The following ARHGAP9 variants were observed in gnomAD, a reference collection of about 807,000 sequenced individuals.
The protein encoded by ARHGAP9 is rho GTPase-activating protein 9.
ARHGAP9 carries 76 observed loss-of-function variants against 87.3 expected under a neutral mutation model. The ratio of observed to expected loss-of-function variants is 0.87; its 90% CI spans 0.72 to 1.05. ARHGAP9 has a LOEUF of 1.05. ARHGAP9 is among the 50% of genes least tolerant of loss of function. The probability of loss-of-function intolerance (pLI) is 0.00; values close to 1 mark genes in which losing one functional copy is unlikely to be tolerated. For synonymous variants in ARHGAP9, 382 were observed against 394.9 expected (o/e 0.97, Z 0.39); for missense variants, 941 against 960.5 (o/e 0.98, Z 0.27).
At chr12:57,478,353 A>C (rs569860416) in intron 3 of ARHGAP9, 187 bp downstream of exon 3, 1 of 637,766 alleles carries the variant, frequency 1.6e-6, no homozygotes, top group South Asian at 2.0e-5. Flanking sequence ...GACCTCACAG[A>C]TGTCTCCCCG....
intron 2 of ARHGAP9, 44 bp downstream of exon 2, chr12:57,479,029 AGGGAGGTAGGAAGGTGAT>A (rs1369950145): frequency 3.9e-6 from 6 of 1,558,014 alleles, no homozygotes; most frequent in East Asian, 4.5e-5. Context: ...CCCAGAAGCC[AGGGAGGTAGGAAGGTGAT>A]GGGAGGTAGG....
intron 1 of ARHGAP9, among the ~76,000 whole-genome samples, chr12:57,486,754 G>A (rs11172231): frequency 6.7e-6 from 1 of 148,884 alleles, no homozygotes; most frequent in East Asian, 2.1e-4. Flanking sequence ...GCGTGGTGGC[G>A]GGCACCTGTA....
chr12:57,480,932 T>C, upstream of ARHGAP9: 1 of 1,186,472 alleles, frequency 8.4e-7, no homozygotes, highest in Non-Finnish European at 1.2e-6. Flanking sequence ...GGGTGGCTAG[T>C]ACTGGGCTTC....
At chr12:57,488,125 G>T (rs1875583014) in intron 1 of ARHGAP9, 1 of 1,614,188 alleles carries the variant, frequency 6.2e-7, no homozygotes, top group Non-Finnish European at 8.5e-7. Flanking sequence ...GTCCCGGGTT[G>T]CTTGCCGGTG....
At chr12:57,480,871 G>A (rs1265688037), upstream of ARHGAP9, 4 of 1,533,882 alleles carry the variant, frequency 2.6e-6, no homozygotes, top group South Asian at 4.8e-5. Context: ...AGGAGCGAAT[G>A]ACCCTCCCCA....
chr12:57,472,623 G>A lies in ARHGAP9; in HGVS notation c.2090C>T (p.Thr697Ile). 1 of 1,614,250 alleles carries A rather than the reference G, an allele frequency of 6.2e-7. No individual in the cohort carries two copies. The highest frequency in any genetic ancestry group is 8.5e-7 in the Non-Finnish European group (1 of 1,180,050). ...PHNLGIVFGP[T>I]LFRPEQETSD... ...TGTCTCCTGCTCTGGCCGAAACAGGGTTGGTCCAAACACAATTCCCAGGTT... is the reference window on the plus strand; with the variant it reads ...TGTCTCCTGCTCTGGCCGAAACAGGATTGGTCCAAACACAATTCCCAGGTT... The change falls in exon 18 of 18, where the codon ACC becomes ATC. Residue 697 changes from threonine to isoleucine, a missense_variant. By Grantham distance (89) the Thr-to-Ile change is moderately conservative. Transcript: ENST00000393791.
At chr12:57,474,755 G>T in intron 13 of ARHGAP9, 52 bp from the exon 14 acceptor site, 1 of 1,609,660 alleles carries the variant, frequency 6.2e-7, no homozygotes, top group Non-Finnish European at 8.5e-7. Flanking sequence ...AGTGTGTGTG[G>T]TGAGGGATAT....
intron 16 of ARHGAP9, 41 bp downstream of exon 16, chr12:57,474,001 T>TC: frequency 6.3e-7 from 1 of 1,593,960 alleles, no homozygotes; most frequent in Non-Finnish European, 8.6e-7. Context: ...ACCACCCGTG[T>TC]CCCCCACATC....
chr12:57,485,789 T>A (rs1594801081), intron 1 of ARHGAP9, among the ~76,000 whole-genome samples: 1 of 152,108 alleles, frequency 6.6e-6, no homozygotes, highest in African/African-American at 2.4e-5. Context: ...CTTAGGTGGG[T>A]GATTCTTCTA....
chr12:57,488,310 G>T, intron 1 of ARHGAP9: 1 of 992,418 alleles, frequency 1.0e-6, no homozygotes, highest in Non-Finnish European at 1.5e-6. Context: ...CACCCCAATC[G>T]ACCACTTCTC....
Position 57,473,583 on chromosome 12 carries a change from A to C in ARHGAP9, c.2024+20T>G, listed in dbSNP as rs1594759134. The C allele has an allele frequency of 6.3e-7, 1 of 1,599,310 alleles. No individual in the cohort carries two copies. Among genetic ancestry groups the C allele is most frequent in the Non-Finnish European group, 8.6e-7 (1 of 1,166,822 alleles). On this transcript the variant is annotated intron_variant, in intron 17 of 17. Coordinates refer to ENST00000393791, the MANE Select transcript of ARHGAP9 (RefSeq NM_032496.4). ...CTCCACCTTTCCCCAGCATGAACAA[A>C]GAGGTTCTGTCTTCCTGACCTGCAT...
Position 57,478,754 on chromosome 12 carries a change from G to C in ARHGAP9, c.320C>G (p.Pro107Arg), listed in dbSNP as rs142371581. 6.2e-7 allele frequency: 1 copy of C among 1,605,426 alleles called. No homozygotes were observed. The change falls in exon 3 of 18, where the codon CCG becomes CGG. Residue 107 changes from proline to arginine, a missense_variant. Transcript: ENST00000393791. ...IPGQLLWTPGPKLFHGSLEEL... is the reference protein window; with the variant it reads ...IPGQLLWTPGRKLFHGSLEEL... ...CTCCAGGGAACCATGAAACAACTTC[G>C]GCCCTGGAAACAGAAAAGGGGAGGG... is the stretch of plus-strand genomic sequence containing the variant.
At chr12:57,479,702 C>T (rs1874802082) in intron 1 of ARHGAP9, 28 bp downstream of exon 1, 4 of 1,550,790 alleles carry the variant, frequency 2.6e-6, no homozygotes, top group Non-Finnish European at 3.5e-6. Context: ...GAGGAGATGA[C>T]CTAGGCCAGT....
Position 57,474,943 on chromosome 12 carries a change from A to T in ARHGAP9, c.1583T>A (p.Leu528His). ...CACCGTGTCTCCTTCCCGCTGGCAG[A>T]GTGATTCCAACTGGCAGCCGAACAC... Reference protein sequence around the residue: ...DQVFGCQLESLCQREGDTVPS... With the variant: ...DQVFGCQLESHCQREGDTVPS... Residue 528 changes from leucine (L) to histidine (H), a missense_variant, in exon 13 of 18, where the codon CTC becomes CAC. Physicochemically the swap from Leu to His is moderately conservative, Grantham distance 99. Coordinates refer to ENST00000393791, the MANE Select transcript of ARHGAP9 (RefSeq NM_032496.4). 1 of 1,614,120 alleles carries T rather than the reference A, an allele frequency of 6.2e-7. No individual in the cohort carries two copies. Among genetic ancestry groups the T allele is most frequent in the Non-Finnish European group, 8.5e-7 (1 of 1,180,036 alleles).
At chr12:57,475,457 C>A in intron 11 of ARHGAP9, 26 bp downstream of exon 11, 1 of 1,581,356 alleles carries the variant, frequency 6.3e-7, no homozygotes, top group Middle Eastern at 1.8e-4. Context: ...CGCTCCCGGA[C>A]TCTCCCTCCC....
At chr12:57,479,642 G>T in intron 1 of ARHGAP9, 88 bp downstream of exon 1, 1 of 1,549,108 alleles carries the variant, frequency 6.5e-7, no homozygotes, top group South Asian at 1.2e-5. Context: ...TAAGTAACAT[G>T]AGAGAGGATG....
intron 1 of ARHGAP9, among the ~76,000 whole-genome samples, chr12:57,486,443 T>C (rs1018006159): frequency 4.0e-5 from 6 of 151,888 alleles, no homozygotes; most frequent in Admixed American, 6.5e-5. Flanking sequence ...CTAATTTTTG[T>C]ATTTTCACTA....
chr12:57,474,256 T>A, intron 15 of ARHGAP9, 80 bp from the exon 16 acceptor site: 1 of 1,584,960 alleles, frequency 6.3e-7, no homozygotes, highest in South Asian at 1.1e-5. Flanking sequence ...TCTGGAGAAA[T>A]CCAGTCAAAG....
chr12:57,479,509 T>C (rs1874770265), intron 1 of ARHGAP9, 85 bp from the exon 2 acceptor site: 1 of 1,512,042 alleles, frequency 6.6e-7, no homozygotes, highest in Non-Finnish European at 8.8e-7. Flanking sequence ...AGGAGCAGTG[T>C]TGCAGGGAGG....
Sources: gnomAD v4.1 joint callset for allele counts (sites outside exome capture counted in the v4.1 genomes callset) on GRCh38, gnomAD v4.1.1 for gene constraint, MANE v1.5 for transcripts, NCBI Gene and HGNC (gene_info 2026-07-23, HGNC 2026-07-21) for gene names.